The following EIF5A variants were observed in gnomAD, a reference collection of about 807,000 sequenced individuals.
EIF5A encodes the protein eukaryotic translation initiation factor 5A-1.
A neutral mutation model predicts 16.6 loss-of-function variants in EIF5A; 1 was observed. That is an observed-to-expected ratio of 0.06 (90% CI 0.02 to 0.28). The LOEUF (loss-of-function observed/expected upper bound fraction) is 0.28, where lower values mean the gene tolerates loss of function less well. EIF5A is among the 10% of genes least tolerant of loss of function. The probability of loss-of-function intolerance (pLI) is 1.00; values close to 1 mark genes in which losing one functional copy is unlikely to be tolerated. For missense variants in EIF5A, 29 were observed against 196.1 expected, an observed-to-expected ratio of 0.15 and a Z score of 5.09; for synonymous variants, 80 against 73.6, an observed-to-expected ratio of 1.09 and a Z score of -0.44.
rs980743648 is a variant in EIF5A, at chr17:7,307,681, CGGCAGCGGGCTCGGA to C, written c.-84_-70del. The C allele has an allele frequency of 2.9e-6, 3 of 1,048,082 alleles. No individual in the cohort carries two copies. In the African/African-American group the frequency reaches 5.2e-5, roughly 18 times the overall value. 64.9% of individuals were successfully genotyped at this position (1,048,082 alleles called of 1,614,324 possible). On this transcript the variant is annotated 5_prime_UTR_variant, in exon 1 of 6. Coordinates refer to ENST00000336458, the MANE Select transcript of EIF5A (RefSeq NM_001970.5). ...GCGGCGGTAGAGGCGGCGGCGGCGG[CGGCAGCGGGCTCGGA>C]GGCAGCGGTTGGGCTCGCGGCGAGC...
chr17:7,310,433 CGT>C, intron 2 of EIF5A: 1 of 1,177,888 alleles, frequency 8.5e-7, no homozygotes, highest in Non-Finnish European at 1.1e-6. Flanking sequence ...CAACCTGATT[CGT>C]TCTTGTTGAA....
chr17:7,311,543 CA>C, intron 4 of EIF5A, 34 bp from the exon 5 acceptor site: 2 of 1,614,178 alleles, frequency 1.2e-6, no homozygotes, highest in South Asian at 2.2e-5. Context: ...TTCCTGAGCT[CA>C]GACATCTCTT....
At chr17:7,310,865 C>T (rs1290945018) in intron 2 of EIF5A, 153 bp from the exon 3 acceptor site, 2 of 985,196 alleles carry the variant, frequency 2.0e-6, no homozygotes, top group African/African-American at 1.7e-5. Flanking sequence ...AGAGGCTTTA[C>T]TGTTTCTTGA....
chr17:7,310,744 T>C (rs2072797561), intron 2 of EIF5A: 1 of 985,448 alleles, frequency 1.0e-6, no homozygotes, highest in African/African-American at 1.7e-5. Context: ...ACTCTTAGCA[T>C]CTTATCTTTT....
chr17:7,308,637 G>C, intron 1 of EIF5A: 1 of 1,326,010 alleles, frequency 7.5e-7, no homozygotes, highest in Non-Finnish European at 9.9e-7. Flanking sequence ...GTTTGGACAG[G>C]AGCCCAACTT....
upstream of EIF5A, chr17:7,307,068 G>A: frequency 6.2e-7 from 1 of 1,604,302 alleles, no homozygotes; most frequent in Non-Finnish European, 8.5e-7. Context: ...TGGGGGGACT[G>A]ATTCCAAGAC....
In EIF5A at chr17:7,307,648, CAGCGGCGGCGGCGGTAGA is replaced by C. The variant is rs892585891; in HGVS notation, c.-125_-108del. On this transcript the variant is annotated 5_prime_UTR_variant, in exon 1 of 6. Transcript: ENST00000336458. ...CCTGCGTACTAAGACCCGTGTGCAG[CAGCGGCGGCGGCGGTAGA>C]GGCGGCGGCGGCGGCGGCAGCGGGC... 274 of 1,050,722 alleles carry C rather than the reference CAGCGGCGGCGGCGGTAGA, an allele frequency of 2.6e-4. No homozygotes were observed. In the African/African-American group the frequency reaches 4.5e-3, roughly 17 times the overall value. 65.1% of individuals were successfully genotyped at this position (1,050,722 alleles called of 1,614,324 possible).
At chr17:7,310,110 T>C (rs1361348739) in intron 2 of EIF5A, 1 of 1,354,536 alleles carries the variant, frequency 7.4e-7, no homozygotes. Flanking sequence ...TTCCTTATTC[T>C]TGGTTTTCAC....
intron 2 of EIF5A, chr17:7,310,287 A>G (rs1322196481): frequency 7.8e-7 from 1 of 1,287,620 alleles, no homozygotes; most frequent in African/African-American, 1.5e-5. Context: ...TGGAACTCTG[A>G]CGCAGGATCA....
At chr17:7,307,251 G>T (rs376991599), upstream of EIF5A, 6 of 1,229,188 alleles carry the variant, frequency 4.9e-6, no homozygotes, top group East Asian at 1.6e-4. Context: ...GGAAGGGGTT[G>T]TTTAGGATTC....
intron 3 of EIF5A, 52 bp from the exon 4 acceptor site, chr17:7,311,298 G>A (rs1420426780): frequency 1.9e-6 from 3 of 1,613,298 alleles, no homozygotes; most frequent in African/African-American, 2.7e-5. Flanking sequence ...TTACTGTCAT[G>A]TCAGCCTCCC....
intron 2 of EIF5A, chr17:7,310,220 C>A (rs2072776718): frequency 2.3e-6 from 3 of 1,290,638 alleles, no homozygotes; most frequent in Non-Finnish European, 2.0e-6. Flanking sequence ...ACTCCTGCGT[C>A]AATTCTGAGC....
intron 1 of EIF5A, among the ~76,000 whole-genome samples, chr17:7,308,821 C>T (rs1287419150): frequency 3.3e-5 from 5 of 152,130 alleles, no homozygotes. Context: ...TCACTACTAC[C>T]AACCTTTTGC....
At position 7,309,813 on chromosome 17, in the gene EIF5A, C is replaced by T; in HGVS notation, c.165+13C>T. On this transcript the variant is annotated intron_variant, in intron 2 of 5. Coordinates refer to ENST00000336458, the MANE Select transcript of EIF5A (RefSeq NM_001970.5). ...CGGCCACGCCAAGGTTAGAATTTCA[C>T]CTCCGCATCTTGCCTTCCCCATGCC... 6.2e-7 allele frequency: 1 copy of T among 1,614,260 alleles called. No individual in the cohort carries two copies. Among genetic ancestry groups the T allele is most frequent in the Non-Finnish European group, 8.5e-7 (1 of 1,180,048 alleles).
chr17:7,308,118 G>A (rs1214914571), intron 1 of EIF5A: 1 of 1,001,236 alleles, frequency 1.0e-6, no homozygotes, highest in Admixed American at 6.2e-5. Context: ...CGTGAGGTGG[G>A]GGAGGGGGCT....
chr17:7,311,507 G>A, intron 4 of EIF5A, 26 bp downstream of exon 4: 1 of 1,614,126 alleles, frequency 6.2e-7, no homozygotes, highest in Non-Finnish European at 8.5e-7. Context: ...CCCTGCTTCT[G>A]TGCTCAGCTT....
At chr17:7,307,192 C>T (rs949407887), upstream of EIF5A, 3 of 1,462,416 alleles carry the variant, frequency 2.1e-6, no homozygotes, top group African/African-American at 2.8e-5. Flanking sequence ...GACAAGTGAT[C>T]TAGCGGCGTG....
upstream of EIF5A, chr17:7,307,292 T>C (rs2072651936): frequency 1.7e-6 from 2 of 1,192,754 alleles, no homozygotes. Flanking sequence ...GACCCAGGCG[T>C]TTCCTTTAGA....
intron 2 of EIF5A, chr17:7,310,013 C>A: frequency 1.3e-6 from 2 of 1,518,534 alleles, no homozygotes; most frequent in Non-Finnish European, 1.8e-6. Context: ...GTCCCCGCAT[C>A]ATTCTCTGGC....
Sources: gnomAD v4.1 joint callset for allele counts (sites outside exome capture counted in the v4.1 genomes callset) on GRCh38, gnomAD v4.1.1 for gene constraint, MANE v1.5 for transcripts, NCBI Gene and HGNC (gene_info 2026-07-23, HGNC 2026-07-21) for gene names.